The following CACNA1D variants were observed in gnomAD, a reference collection of about 807,000 sequenced individuals.
CACNA1D encodes voltage-dependent L-type calcium channel subunit alpha-1D.
CACNA1D carries 55 observed loss-of-function variants against 257.1 expected under a neutral mutation model. The ratio of observed to expected loss-of-function variants is 0.21; its 90% CI spans 0.17 to 0.27. The LOEUF is 0.27. Among genes scored for constraint, CACNA1D ranks in the 10% least tolerant of loss-of-function variants. CACNA1D has a pLI of 1.00. For synonymous variants in CACNA1D, 980 were observed against 1,014.9 expected (o/e 0.97, Z 0.65); for missense variants, 1,876 against 2,784.0 (o/e 0.67, Z 7.34).
At chr3:53,714,991 T>G (rs2094803375) in intron 9 of CACNA1D, among the ~76,000 whole-genome samples, 3 of 152,168 alleles carry the variant, frequency 2.0e-5, no homozygotes, top group African/African-American at 7.2e-5. Flanking sequence ...ATAAATGAGG[T>G]CTTTGTTATA....
intron 32 of CACNA1D, among the ~76,000 whole-genome samples, chr3:53,772,127 G>A (rs1284582034): frequency 6.6e-6 from 1 of 152,232 alleles, no homozygotes; most frequent in Non-Finnish European, 1.5e-5. Flanking sequence ...GAAAGGACGG[G>A]GGATCTGTCA....
intron 7 of CACNA1D, among the ~76,000 whole-genome samples, chr3:53,669,974 C>T (rs773799819): frequency 6.6e-6 from 1 of 151,952 alleles, no homozygotes; most frequent in African/African-American, 2.4e-5. Flanking sequence ...AATTTTTTTT[C>T]CTTCAATTCA....
intron 45 of CACNA1D, among the ~76,000 whole-genome samples, chr3:53,805,429 T>C (rs927452704): frequency 6.6e-5 from 10 of 152,230 alleles, no homozygotes; most frequent in Non-Finnish European, 1.5e-4. Context: ...AGGGGTGTTT[T>C]GCATACATAG....
intron 8 of CACNA1D, among the ~76,000 whole-genome samples, chr3:53,684,771 A>G (rs181381571): frequency 1.3e-5 from 2 of 152,314 alleles, no homozygotes; most frequent in Admixed American, 6.5e-5. Flanking sequence ...GGATAACCAT[A>G]CACAGAAGAT....
chr3:53,790,842 T>G, intron 40 of CACNA1D: 1 of 629,756 alleles, frequency 1.6e-6, no homozygotes, highest in Non-Finnish European at 2.8e-6. Context: ...AGTAGTGGAG[T>G]TTTGTTTTGT....
At chr3:53,758,492 G>A (rs1470151630) in intron 29 of CACNA1D, among the ~76,000 whole-genome samples, 2 of 152,154 alleles carry the variant, frequency 1.3e-5, no homozygotes, top group Non-Finnish European at 2.9e-5. Flanking sequence ...CCATATCCTG[G>A]CAAGAGGGCC....
chr3:53,779,939 G>T, intron 37 of CACNA1D, 87 bp from the exon 38 acceptor site: 1 of 946,190 alleles, frequency 1.1e-6, no homozygotes. Flanking sequence ...AAAGAGATGA[G>T]TGATAAACGG....
chr3:53,658,730 T>C (rs1018531062), intron 4 of CACNA1D, among the ~76,000 whole-genome samples: 11 of 152,210 alleles, frequency 7.2e-5, no homozygotes, highest in Admixed American at 2.0e-4. Context: ...ACAGTAATCT[T>C]TTAAAAACTA....
intron 40 of CACNA1D, among the ~76,000 whole-genome samples, chr3:53,788,123 A>C (rs1421921930): frequency 6.6e-6 from 1 of 152,134 alleles, no homozygotes; most frequent in Non-Finnish European, 1.5e-5. Context: ...GAATATGAAT[A>C]TGAATATGAA....
intron 8 of CACNA1D, among the ~76,000 whole-genome samples, chr3:53,674,905 A>T (rs1181286331): frequency 2.6e-5 from 4 of 151,360 alleles, no homozygotes; most frequent in East Asian, 1.9e-4. Context: ...CTCCTCACTC[A>T]CTTTATCTTG....
intron 3 of CACNA1D, among the ~76,000 whole-genome samples, chr3:53,643,465 G>A (rs1431889205): frequency 6.6e-6 from 1 of 151,890 alleles, no homozygotes; most frequent in Non-Finnish European, 1.5e-5. Flanking sequence ...AGCAAGCCCA[G>A]CCTGAATGTG....
intron 5 of CACNA1D, among the ~76,000 whole-genome samples, chr3:53,662,628 G>A (rs185882207): frequency 2.0e-5 from 3 of 152,204 alleles, no homozygotes; most frequent in South Asian, 2.1e-4. Context: ...CCAGACCCAC[G>A]ATCTCCACAT....
intron 40 of CACNA1D, chr3:53,791,717 A>G (rs2095484119): frequency 6.6e-6 from 1 of 152,394 alleles, no homozygotes. Context: ...CTCAGGTTCC[A>G]TCTTAACGTG....
At chr3:53,755,245 T>C (rs558360361) in intron 29 of CACNA1D, among the ~76,000 whole-genome samples, 1 of 152,318 alleles carries the variant, frequency 6.6e-6, no homozygotes, top group African/African-American at 2.4e-5. Context: ...TGTCTTCCCT[T>C]GCCAGATGAT....
intron 30 of CACNA1D, among the ~76,000 whole-genome samples, chr3:53,768,589 G>C (rs1375780016): frequency 6.6e-6 from 1 of 152,226 alleles, no homozygotes; most frequent in African/African-American, 2.4e-5. Flanking sequence ...TAGCAATCCT[G>C]GGTTTTTGAT....
intron 2 of CACNA1D, among the ~76,000 whole-genome samples, chr3:53,501,388 C>T (rs2090595943): frequency 6.6e-6 from 1 of 152,140 alleles, no homozygotes; most frequent in Admixed American, 6.5e-5. Flanking sequence ...ATCCTTGCAA[C>T]AGAAGAAAAG....
intron 8 of CACNA1D, among the ~76,000 whole-genome samples, chr3:53,682,678 TAATAA>T (rs1358564962): frequency 1.1e-4 from 17 of 152,174 alleles, no homozygotes; most frequent in Admixed American, 5.2e-4. Flanking sequence ...AAATTCTTCC[TAATAA>T]AATGTTGGGA....
At chr3:53,560,817 T>C (rs532148382) in intron 3 of CACNA1D, among the ~76,000 whole-genome samples, 38 of 152,322 alleles carry the variant, frequency 2.5e-4, no homozygotes, top group African/African-American at 8.2e-4. Context: ...TGGGCCAAAA[T>C]TTACTGACCA....
rs555247714 is a variant in CACNA1D, at chr3:53,517,137, CT to C, written c.483+15419del. Among the ~76,000 whole-genome samples the C allele has an allele frequency of 1.4e-3, 206 of 152,320 alleles. 1 individual carries two copies. Among genetic ancestry groups the C allele is most frequent in the African/African-American group, 4.8e-3 (200 of 41,574 alleles). ...CTATATACACATGGGCGGCATCATC[CT>C]TATGGCTGTCTGTTGAGAGAGGGCC... On this transcript the variant is annotated intron_variant, in intron 3 of 47. Transcript: ENST00000350061.
Sources: allele counts gnomAD v4.1 joint callset (sites outside exome capture counted in the v4.1 genomes callset), GRCh38; gene constraint gnomAD v4.1.1; transcripts MANE v1.5; gene names NCBI Gene and HGNC (gene_info 2026-07-23, HGNC 2026-07-21).